Variants in CORIN observed in about 807,000 individuals in gnomAD.
CORIN encodes the protein atrial natriuretic peptide-converting enzyme.
A neutral mutation model predicts 125.3 loss-of-function variants in CORIN; 117 were observed. That is an observed-to-expected ratio of 0.93 (90% CI 0.80 to 1.09). CORIN has a LOEUF of 1.09. Among genes scored for constraint, CORIN ranks in the 50% least tolerant of loss-of-function variants. CORIN has a pLI of 0.00. For missense variants in CORIN, 1,253 were observed against 1,306.7 expected (o/e 0.96, Z 0.63); for synonymous variants, 450 against 466.4 (o/e 0.96, Z 0.45).
chr4:47,780,753 G>A (rs146090416), intron 3 of CORIN, among the ~76,000 whole-genome samples: 4 of 152,186 alleles, frequency 2.6e-5, no homozygotes, highest in African/African-American at 9.6e-5. Context: ...AAGTTTCAGA[G>A]GTGGGACAGA....
chr4:47,783,860 T>C (rs1382296793), intron 3 of CORIN, among the ~76,000 whole-genome samples: 1 of 152,160 alleles, frequency 6.6e-6, no homozygotes, highest in Non-Finnish European at 1.5e-5. Flanking sequence ...ACACATTGAC[T>C]ATACAGCAAT....
rs563620000 is a variant in CORIN, at chr4:47,728,251, A to C, written c.799+16151T>G. On this transcript the variant is annotated intron_variant, in intron 5 of 21. Coordinates refer to ENST00000273857, the MANE Select transcript of CORIN (RefSeq NM_006587.4). Reference sequence around the variant, plus strand: ...TAGAGTTCAAACTCTAGGATGTCTGAATTACTAGATAACTGCCACATTACT... The same window carrying C: ...TAGAGTTCAAACTCTAGGATGTCTGCATTACTAGATAACTGCCACATTACT... Among the ~76,000 whole-genome samples the C allele has an allele frequency of 2.6e-5, 4 of 152,288 alleles. No individual in the cohort carries two copies. The South Asian group carries it at 8.3e-4, about 32-fold the overall frequency.
chr4:47,717,533 A>G (rs1230239535), intron 5 of CORIN, among the ~76,000 whole-genome samples: 1 of 152,166 alleles, frequency 6.6e-6, no homozygotes, highest in Non-Finnish European at 1.5e-5. Flanking sequence ...GACCACATTC[A>G]ACAGTGACTT....
At chr4:47,735,121 T>A (rs926377658) in intron 5 of CORIN, among the ~76,000 whole-genome samples, 1 of 152,248 alleles carries the variant, frequency 6.6e-6, no homozygotes, top group Non-Finnish European at 1.5e-5. Context: ...AAGACTGTAT[T>A]ATATAATAAA....
At chr4:47,612,193 C>T (rs1037597668) in intron 19 of CORIN, among the ~76,000 whole-genome samples, 4 of 152,178 alleles carry the variant, frequency 2.6e-5, no homozygotes, top group Admixed American at 6.5e-5. Flanking sequence ...GGTGAATAGA[C>T]TTTAGAATAG....
intron 13 of CORIN, among the ~76,000 whole-genome samples, chr4:47,653,221 A>G (rs1349633928): frequency 6.6e-6 from 1 of 152,190 alleles, no homozygotes; most frequent in Non-Finnish European, 1.5e-5. Flanking sequence ...ATAGGTACAT[A>G]TGTGTAGGAA....
chr4:47,686,237 A>G (rs1469576695), intron 6 of CORIN, among the ~76,000 whole-genome samples: 1 of 151,900 alleles, frequency 6.6e-6, no homozygotes, highest in Non-Finnish European at 1.5e-5. Context: ...TGGGCCTTAG[A>G]AATCACCTGT....
At chr4:47,628,810 T>C (rs1722688848) in intron 16 of CORIN, among the ~76,000 whole-genome samples, 1 of 152,146 alleles carries the variant, frequency 6.6e-6, no homozygotes, top group Admixed American at 6.6e-5. Flanking sequence ...GAATACTGAG[T>C]AGTGTTCTAT....
intron 2 of CORIN, among the ~76,000 whole-genome samples, chr4:47,792,408 G>T (rs915148302): frequency 3.3e-5 from 5 of 152,194 alleles, no homozygotes; most frequent in African/African-American, 1.2e-4. Flanking sequence ...TTAGAGGGTA[G>T]TTAGAAGGCT....
At chr4:47,756,723 A>C (rs952412564) in intron 4 of CORIN, among the ~76,000 whole-genome samples, 4 of 152,206 alleles carry the variant, frequency 2.6e-5, no homozygotes, top group African/African-American at 9.6e-5. Context: ...TGTCAGAGGG[A>C]AAAACAAATA....
intron 5 of CORIN, among the ~76,000 whole-genome samples, chr4:47,718,288 T>G (rs1727194153): frequency 6.6e-6 from 1 of 152,350 alleles, no homozygotes; most frequent in Middle Eastern, 3.4e-3. Context: ...ATGACCCTAT[T>G]TTCTTCATTG....
At chr4:47,743,853 C>A (rs1005964954) in intron 5 of CORIN, among the ~76,000 whole-genome samples, 2 of 151,870 alleles carry the variant, frequency 1.3e-5, no homozygotes, top group African/African-American at 4.8e-5. Context: ...CCACTGCACT[C>A]CAGCCTGGGT....
At chr4:47,686,032 C>T (rs1427271655) in intron 6 of CORIN, among the ~76,000 whole-genome samples, 1 of 147,798 alleles carries the variant, frequency 6.8e-6, no homozygotes, top group African/African-American at 2.5e-5. Context: ...TAGCAGCCAC[C>T]ACTTTACTGT....
intron 20 of CORIN, among the ~76,000 whole-genome samples, chr4:47,602,016 T>C (rs925487331): frequency 1.5e-4 from 23 of 152,196 alleles, no homozygotes; most frequent in Non-Finnish European, 2.9e-4. Flanking sequence ...ACTTACAGTT[T>C]TTTTTTTTTA....
At chr4:47,827,634 A>G (rs1732798264) in intron 1 of CORIN, among the ~76,000 whole-genome samples, 1 of 152,150 alleles carries the variant, frequency 6.6e-6, no homozygotes, top group Admixed American at 6.5e-5. Flanking sequence ...AATTTCAGAG[A>G]TCTCAGGATT....
rs76271676 is a variant in CORIN at position 47,835,053 on chromosome 4, A to G, written c.63+2834T>C. Among the ~76,000 whole-genome samples the G allele has an allele frequency of 5.5e-3, 839 of 152,294 alleles. 5 individuals carry two copies. Among genetic ancestry groups the G allele is most frequent in the African/African-American group, 0.019 (786 of 41,548 alleles). Reference sequence around the variant, plus strand: ...TCATCTACAGCACCTTCTACTCTTAAGGGGTCTGCCATTTCCACCCTCTCT... The same window carrying G: ...TCATCTACAGCACCTTCTACTCTTAGGGGGTCTGCCATTTCCACCCTCTCT... On this transcript the variant is annotated intron_variant, in intron 1 of 21. Coordinates refer to ENST00000273857, the MANE Select transcript of CORIN (RefSeq NM_006587.4).
intron 5 of CORIN, among the ~76,000 whole-genome samples, chr4:47,722,957 A>G (rs2882842): frequency 0.098 from 14,963 of 152,258 alleles, 870 homozygotes; most frequent in East Asian, 0.27. Flanking sequence ...ATATTTCCCA[A>G]CATAGAATGA....
chr4:47,726,772 T>G (rs1727614065), intron 5 of CORIN, among the ~76,000 whole-genome samples: 1 of 152,056 alleles, frequency 6.6e-6, no homozygotes, highest in South Asian at 2.1e-4. Context: ...GTTTTGACAT[T>G]GAAGACTGGC....
chr4:47,683,368 T>C (rs1725371578), intron 7 of CORIN: 1 of 194,346 alleles, frequency 5.1e-6, no homozygotes, highest in African/African-American at 2.4e-5. Flanking sequence ...GCACAGACAA[T>C]ATATCTGCCC....
Sources: gnomAD v4.1 joint callset for allele counts (sites outside exome capture counted in the v4.1 genomes callset) on GRCh38, gnomAD v4.1.1 for gene constraint, MANE v1.5 for transcripts, NCBI Gene and HGNC (gene_info 2026-07-23, HGNC 2026-07-21) for gene names.